The following EGR2 variants were observed in gnomAD, a reference collection of about 807,000 sequenced individuals.
EGR2 encodes E3 SUMO-protein ligase EGR2.
Under a neutral mutation model 21.2 loss-of-function variants are expected in EGR2, and 2 were observed. The ratio of observed to expected loss-of-function variants is 0.09; its 90% CI spans 0.04 to 0.30. The LOEUF (loss-of-function observed/expected upper bound fraction) is 0.30, where lower values mean the gene tolerates loss of function less well. EGR2 is among the 10% of genes least tolerant of loss of function. The probability of loss-of-function intolerance (pLI) is 1.00; values close to 1 mark genes in which losing one functional copy is unlikely to be tolerated. For synonymous variants in EGR2, 282 were observed against 258.2 expected, an observed-to-expected ratio of 1.09 and a Z score of -0.88; for missense variants, 458 against 630.2, an observed-to-expected ratio of 0.73 and a Z score of 2.93.
Position 62,816,224 on chromosome 10 carries a change from A to G in EGR2, c.-195T>C, listed in dbSNP as rs1842264815. The stretch of plus-strand genomic sequence containing the variant: ...GCAAACAAGTTGCTGTTTTTTAAGA[A>G]ATAAGAAAAATGTCTATTTGCCACT... On this transcript the variant is annotated 5_prime_UTR_variant, in exon 1 of 2. Coordinates refer to ENST00000242480, the MANE Select transcript of EGR2 (RefSeq NM_000399.5). 6.8e-7 allele frequency: 1 copy of G among 1,465,160 alleles called. No homozygotes were observed. Among genetic ancestry groups the G allele is most frequent in the Admixed American group, 2.4e-5 (1 of 40,864 alleles). The allele number at this position is 1,465,160 out of a possible 1,614,324, so 90.8% of individuals were successfully genotyped here.
At chr10:62,818,723 C>G, upstream of EGR2, 1 of 763,268 alleles carries the variant, frequency 1.3e-6, no homozygotes, top group Non-Finnish European at 1.7e-6. Context: ...TTACGGCCCC[C>G]GCCGGCCCCT....
chr10:62,818,517 A>T (rs1838308441), upstream of EGR2: 1 of 1,184,802 alleles, frequency 8.4e-7, no homozygotes, highest in Non-Finnish European at 1.1e-6. Context: ...AAAGAAAAGC[A>T]AGAAAAGATA....
chr10:62,815,433 T>C (rs778278154), intron 1 of EGR2, among the ~76,000 whole-genome samples: 3 of 152,162 alleles, frequency 2.0e-5, no homozygotes, highest in Non-Finnish European at 2.9e-5. Flanking sequence ...CTACCGACGC[T>C]TTCCCCTGGC....
Position 62,816,269 on chromosome 10 carries a change from T to G in EGR2, c.-240A>C. ...GCCACTGACTCTCTCCTGTCTGTGTTCCGGCTGCTGGGAAGCCAGGAGTTG... is the reference window on the plus strand; with the variant it reads ...GCCACTGACTCTCTCCTGTCTGTGTGCCGGCTGCTGGGAAGCCAGGAGTTG... On this transcript the variant is annotated 5_prime_UTR_variant, in exon 1 of 2. Coordinates refer to ENST00000242480, the MANE Select transcript of EGR2 (RefSeq NM_000399.5). The G allele has an allele frequency of 7.3e-7, 1 of 1,378,206 alleles. No individual in the cohort carries two copies. Among genetic ancestry groups the G allele is most frequent in the Non-Finnish European group, 9.4e-7 (1 of 1,063,642 alleles). 85.4% of individuals were successfully genotyped at this position (1,378,206 alleles called of 1,614,324 possible). A position where few individuals can be genotyped will look rare whatever the true frequency, so the allele number is the denominator to read the frequency against.
chr10:62,818,096 C>G (rs1008909525), upstream of EGR2, among the ~76,000 whole-genome samples: 1 of 152,220 alleles, frequency 6.6e-6, no homozygotes, highest in Non-Finnish European at 1.5e-5. Context: ...TAGTGTGGGC[C>G]GGGGCGGGCG....
Position 62,813,027 on chromosome 10 carries a change from G to T in EGR2, c.*180C>A. The stretch of plus-strand genomic sequence containing the variant: ...ACTCACCTAAGAGAGACTAGAATGG[G>T]CTAAGTTTTAGGAAGAACCTGCTTC... On this transcript the variant is annotated 3_prime_UTR_variant, in exon 2 of 2. Coordinates refer to ENST00000242480, the MANE Select transcript of EGR2 (RefSeq NM_000399.5). The surrounding 1 kb of genome is among the most constrained non-coding windows in gnomAD (Gnocchi z 5.7). 1.5e-6 allele frequency: 1 copy of T among 652,622 alleles called. No individual in the cohort carries two copies. The highest frequency in any genetic ancestry group is 3.3e-5 in the Admixed American group (1 of 30,056). The allele number at this position is 652,622 out of a possible 1,614,324, so 40.4% of individuals were successfully genotyped here.
chr10:62,818,694 C>T, upstream of EGR2: 1 of 1,066,986 alleles, frequency 9.4e-7, no homozygotes, highest in East Asian at 7.4e-5. Context: ...AAATGCGGAT[C>T]CCTGCGATGG....
At chr10:62,817,222 C>G (rs557462937), upstream of EGR2, among the ~76,000 whole-genome samples, 37 of 152,230 alleles carry the variant, frequency 2.4e-4, no homozygotes, top group Middle Eastern at 3.4e-3. This position sits in a 1 kb window ranked among gnomAD's most constrained non-coding sequence, Gnocchi z 4.4. Flanking sequence ...GCGCCCTTCC[C>G]GGCGCGTCTG....
In EGR2 at chr10:62,813,862, G is replaced by T. The variant is rs1842188065; in HGVS notation, c.776C>A (p.Pro259His). ...FPCPLDTLRV[P>H]PPLTPLSTIR... ...TGTAGAGAGTGGAGTGAGTGGAGGG[G>T]GCACCCGCAGGGTGTCCAGTGGGCA... Residue 259 changes from proline (P) to histidine (H), a missense_variant, in exon 2 of 2, where the codon CCC (proline) becomes CAC (histidine). Physicochemically the swap from Pro to His is moderately conservative, Grantham distance 77 (BLOSUM62 -2). Transcript: ENST00000242480. This position sits in a 1 kb window ranked among gnomAD's most constrained non-coding sequence, Gnocchi z 5.7. 6.2e-7 allele frequency: 1 copy of T among 1,614,058 alleles called. No individual in the cohort carries two copies. Among genetic ancestry groups the T allele is most frequent in the Non-Finnish European group, 8.5e-7 (1 of 1,180,044 alleles).
chr10:62,816,370 C>A (rs1842271166), upstream of EGR2: 1 of 1,219,932 alleles, frequency 8.2e-7, no homozygotes, highest in South Asian at 1.6e-5. Flanking sequence ...CTCAGTTAGA[C>A]GGAAAGTGTT....
Position 62,813,247 on chromosome 10 carries a change from C to T in EGR2, c.1391G>A (p.Gly464Glu). 1 of 1,567,178 alleles carries T rather than the reference C, an allele frequency of 6.4e-7. No homozygotes were observed. The highest frequency in any genetic ancestry group is 8.6e-7 in the Non-Finnish European group (1 of 1,158,048). ...CCGAGAGGAGCAAGGGGCGAGCGGC[C>T]CTCCGCCAAGACTGCTGCTGTTACT... is the stretch of plus-strand genomic sequence containing the variant. ...CSSNSSSLGG[G>E]PLAPCSSRTR... Residue 464 changes from glycine (G) to glutamate (E), a missense_variant, in exon 2 of 2, where the codon GGG becomes GAG. Gly to Glu is a moderately conservative substitution (Grantham distance 98). This residue lies in a region of EGR2 where 69 missense variants were observed against 70.4 expected (regional missense o/e 0.98). Transcript: ENST00000242480. This position sits in a 1 kb window ranked among gnomAD's most constrained non-coding sequence, Gnocchi z 5.7.
In EGR2 at chr10:62,814,872, C is replaced by G. The variant is rs1340710341; in HGVS notation, c.170-404G>C. 6.6e-6 allele frequency among the ~76,000 whole-genome samples: 1 copy of G among 152,220 alleles called. No homozygotes were observed. The highest frequency in any genetic ancestry group is 1.5e-5 in the Non-Finnish European group (1 of 68,028). On this transcript the variant is annotated intron_variant, in intron 1 of 1. Transcript: ENST00000242480. This position sits in a 1 kb window ranked among gnomAD's most constrained non-coding sequence, Gnocchi z 4.8. ...GGCTGAGGCACCAAGACAAACACCACCCAAGAATCGACCTATCCCAGTCAG... is the reference window on the plus strand; with the variant it reads ...GGCTGAGGCACCAAGACAAACACCAGCCAAGAATCGACCTATCCCAGTCAG...
At position 62,816,341 on chromosome 10, in the gene EGR2, ATT is replaced by A; in HGVS notation, c.-314_-313del. 8.0e-7 allele frequency: 1 copy of A among 1,255,300 alleles called. No individual in the cohort carries two copies. The highest frequency in any genetic ancestry group is 1.0e-6 in the Non-Finnish European group (1 of 987,006). 77.8% of individuals were successfully genotyped at this position (1,255,300 alleles called of 1,614,324 possible). On this transcript the variant is annotated 5_prime_UTR_variant, in exon 1 of 2. Transcript: ENST00000242480. Reference sequence around the variant, plus strand: ...AGTCAGTGAGTCCCCTCGCCGAGCTATTAATCAATTGCTCCTCGCTCAGTTAG... The same window carrying A: ...AGTCAGTGAGTCCCCTCGCCGAGCTAAATCAATTGCTCCTCGCTCAGTTAG...
At chr10:62,816,647 G>A (rs866203258), upstream of EGR2, among the ~76,000 whole-genome samples, 62 of 152,316 alleles carry the variant, frequency 4.1e-4, 1 homozygote, top group Middle Eastern at 0.02. Flanking sequence ...CCCAGTCACA[G>A]CCACAGCAGG....
rs1842262363 is a variant in EGR2 at position 62,816,120 on chromosome 10, T to A, written c.-91A>T. 1 of 1,611,330 alleles carries A rather than the reference T, an allele frequency of 6.2e-7. No individual in the cohort carries two copies. Among genetic ancestry groups the A allele is most frequent in the Non-Finnish European group, 8.5e-7 (1 of 1,179,334 alleles). The stretch of plus-strand genomic sequence containing the variant: ...GAGAGGGGTTGGACTGAGCCTGGGA[T>A]GGTATCTCCTTTTGCCCTCCACACT... On this transcript the variant is annotated 5_prime_UTR_variant, in exon 1 of 2. Transcript: ENST00000242480.
Position 62,813,699 on chromosome 10 carries a change from G to A in EGR2, c.939C>T (p.His313=), listed in dbSNP as rs1564706453. The change falls in exon 2 of 2, where the codon CAC becomes CAT. Residue 313 remains histidine, a synonymous_variant. Coordinates refer to ENST00000242480, the MANE Select transcript of EGR2 (RefSeq NM_000399.5). The surrounding 1 kb of genome is among the most constrained non-coding windows in gnomAD (Gnocchi z 5.7). ...AAAAAAAYNP[H]HLPLRPILRP... ...TCAGAATGGGCCGCAGTGGCAGGTG[G>A]TGTGGGTTATAGGCGGCGGCGGCGG... 6.2e-7 allele frequency: 1 copy of A among 1,613,356 alleles called. No homozygotes were observed. The highest frequency in any genetic ancestry group is 1.7e-5 in the Admixed American group (1 of 60,022).
intron 1 of EGR2, among the ~76,000 whole-genome samples, chr10:62,815,343 G>A (rs910881831): frequency 8.5e-5 from 13 of 152,248 alleles, no homozygotes; most frequent in African/African-American, 2.4e-4. Flanking sequence ...GCGGGCGGCG[G>A]GCAGGTGGGG....
chr10:62,818,139 G>A (rs1564710338), upstream of EGR2, among the ~76,000 whole-genome samples: 1 of 152,202 alleles, frequency 6.6e-6, no homozygotes, highest in South Asian at 2.1e-4. Context: ...GAGGAAGCGC[G>A]GCGCTGCAGG....
upstream of EGR2, among the ~76,000 whole-genome samples, chr10:62,817,168 T>A (rs1331732662): frequency 1.3e-5 from 2 of 152,164 alleles, no homozygotes; most frequent in Non-Finnish European, 2.9e-5. This position sits in a 1 kb window ranked among gnomAD's most constrained non-coding sequence, Gnocchi z 4.4. Flanking sequence ...CTCCTTCCTC[T>A]GCCCGCGCGC....
Sources: gnomAD v4.1 joint callset for allele counts (sites outside exome capture counted in the v4.1 genomes callset) on GRCh38, gnomAD v4.1.1 for gene constraint, gnomAD v4.1.1 regional missense constraint, Gnocchi (gnomAD v3.1) non-coding constraint, MANE v1.5 for transcripts, NCBI Gene and HGNC (gene_info 2026-07-23, HGNC 2026-07-21) for gene names.